Variants in PRKCH observed in about 807,000 individuals in gnomAD.
PRKCH encodes protein kinase C eta, also known as protein kinase C eta type.
PRKCH carries 28 observed loss-of-function variants against 82.5 expected under a neutral mutation model. The observed-to-expected ratio is 0.34, with a 90% CI of 0.25 to 0.47. PRKCH has a LOEUF of 0.47. PRKCH is among the 20% of genes least tolerant of loss of function. PRKCH has a pLI of 1.00. For synonymous variants in PRKCH, 322 were observed against 327.4 expected, an observed-to-expected ratio of 0.98 and a Z score of 0.18; for missense variants, 705 against 881.8, an observed-to-expected ratio of 0.80 and a Z score of 2.54.
rs1303092392 is a variant in PRKCH, at chr14:61,524,175, AT to A, written c.1434-4899del. On this transcript the variant is annotated intron_variant, in intron 10 of 13. Coordinates refer to ENST00000332981, the MANE Select transcript of PRKCH (RefSeq NM_006255.5). ...GATCTAAGCAGTAAGACTCATGTCA[AT>A]CTGTTTTATTACTCTCAGGATAGCT... is the stretch of plus-strand genomic sequence containing the variant. Among the ~76,000 whole-genome samples the A allele has an allele frequency of 3.3e-5, 5 of 152,326 alleles. No individual in the cohort carries two copies. In the East Asian group the frequency reaches 9.6e-4, roughly 29 times the overall value.
chr14:61,237,072 T>C (rs925987146), intron 1 of PRKCH, among the ~76,000 whole-genome samples: 2 of 151,998 alleles, frequency 1.3e-5, no homozygotes, highest in Non-Finnish European at 2.9e-5. Context: ...AGAACCCTTT[T>C]TTGGGGTCTG....
intron 1 of PRKCH, among the ~76,000 whole-genome samples, chr14:61,246,208 C>G (rs1013979670): frequency 1.2e-4 from 18 of 151,144 alleles, no homozygotes; most frequent in African/African-American, 4.4e-4. Context: ...GAGTTCAACA[C>G]CAGCCTGACC....
At chr14:61,212,985 A>G (rs1233008661) in intron 1 of PRKCH, among the ~76,000 whole-genome samples, 4 of 152,156 alleles carry the variant, frequency 2.6e-5, no homozygotes, top group African/African-American at 9.7e-5. Flanking sequence ...GGGTTGAGCT[A>G]ATTCAGTGGA....
At chr14:61,281,055 C>G (rs962510985) in intron 1 of PRKCH, 1 of 1,521,798 alleles carries the variant, frequency 6.6e-7, no homozygotes, top group South Asian at 1.2e-5. Context: ...CGATGCTGGC[C>G]GACAGCAGCG....
chr14:61,526,865 TC>T (rs34710140), intron 10 of PRKCH, among the ~76,000 whole-genome samples: 5 of 152,104 alleles, frequency 3.3e-5, no homozygotes, highest in Non-Finnish European at 5.9e-5. Context: ...CCACCTAGCA[TC>T]CCCCCCGTGA....
At chr14:61,286,785 A>AG (rs2045319893) in intron 1 of PRKCH, among the ~76,000 whole-genome samples, 1 of 152,098 alleles carries the variant, frequency 6.6e-6, no homozygotes, top group Non-Finnish European at 1.5e-5. Flanking sequence ...TCAAAAAAAA[A>AG]GAGGGTGAAC....
intron 1 of PRKCH, among the ~76,000 whole-genome samples, chr14:61,238,096 C>A (rs1396429908): frequency 6.6e-6 from 1 of 152,226 alleles, no homozygotes; most frequent in African/African-American, 2.4e-5. Flanking sequence ...ATGGAGAAAC[C>A]TTTAGGCCAA....
At chr14:61,297,824 C>T (rs1037633772) in intron 1 of PRKCH, among the ~76,000 whole-genome samples, 4 of 152,066 alleles carry the variant, frequency 2.6e-5, no homozygotes, top group East Asian at 1.9e-4. Context: ...GTTGGGGACC[C>T]CTGGTCTAGT....
chr14:61,375,952 GGT>G (rs1479885994), intron 1 of PRKCH, among the ~76,000 whole-genome samples: 1 of 151,320 alleles, frequency 6.6e-6, no homozygotes, highest in African/African-American at 2.4e-5. Flanking sequence ...GGGAGGTAGA[GGT>G]TGCAGTGAGC....
intron 1 of PRKCH, among the ~76,000 whole-genome samples, chr14:61,342,200 C>T (rs760591941): frequency 4.0e-5 from 6 of 151,624 alleles, no homozygotes; most frequent in African/African-American, 7.3e-5. Context: ...GGGAAGGGAG[C>T]GCCCTTTTAA....
intron 1 of PRKCH, among the ~76,000 whole-genome samples, chr14:61,384,633 C>G (rs2046560134): frequency 6.6e-6 from 1 of 151,956 alleles, no homozygotes; most frequent in Admixed American, 6.6e-5. Context: ...AGCGCTGATT[C>G]ATGTGAGTTC....
At chr14:61,293,554 G>A (rs2045381302) in intron 1 of PRKCH, among the ~76,000 whole-genome samples, 1 of 152,120 alleles carries the variant, frequency 6.6e-6, no homozygotes, top group Admixed American at 6.6e-5. Flanking sequence ...CTCAACCAGA[G>A]ACCAAATCAC....
upstream of PRKCH, among the ~76,000 whole-genome samples, chr14:61,321,515 G>C (rs370131755): frequency 3.9e-5 from 6 of 152,174 alleles, no homozygotes; most frequent in Non-Finnish European, 8.8e-5. This position sits in a 1 kb window ranked among gnomAD's most constrained non-coding sequence, Gnocchi z 4.1. Context: ...CCGCAGGGCC[G>C]GGCCGCGGAC....
chr14:61,402,025 A>G (rs112714128), intron 2 of PRKCH, among the ~76,000 whole-genome samples: 2,945 of 152,352 alleles, frequency 0.019, 110 homozygotes, highest in African/African-American at 0.067. Flanking sequence ...TTCAAAACAT[A>G]ATTCGAATTT....
At chr14:61,273,254 T>C (rs918822824) in intron 1 of PRKCH, among the ~76,000 whole-genome samples, 4 of 152,332 alleles carry the variant, frequency 2.6e-5, no homozygotes, top group African/African-American at 9.6e-5. Flanking sequence ...ATATTATTTA[T>C]GGCTTTAAAA....
At chr14:61,529,340 C>T in intron 11 of PRKCH, 127 bp downstream of exon 11, 1 of 1,090,242 alleles carries the variant, frequency 9.2e-7, no homozygotes, top group Non-Finnish European at 1.2e-6. Context: ...AGAGCCGACA[C>T]CTCTAGACTC....
At chr14:61,204,644 G>A (rs539022803) in intron 1 of PRKCH, among the ~76,000 whole-genome samples, 8 of 151,722 alleles carry the variant, frequency 5.3e-5, no homozygotes, top group African/African-American at 1.5e-4. Context: ...GTCTGTGGCC[G>A]CAGCCACTCA....
At chr14:61,484,122 C>T (rs1324098042) in intron 9 of PRKCH, among the ~76,000 whole-genome samples, 1 of 152,076 alleles carries the variant, frequency 6.6e-6, no homozygotes, top group African/African-American at 2.4e-5. Context: ...TGCAATCCCA[C>T]AAAATGGTAT....
At chr14:61,475,422 C>T (rs183261842) in intron 9 of PRKCH, among the ~76,000 whole-genome samples, 1 of 152,184 alleles carries the variant, frequency 6.6e-6, no homozygotes, top group Non-Finnish European at 1.5e-5. Flanking sequence ...TTCTTCTCGA[C>T]CACTAGGGGG....
Sources: gnomAD v4.1 joint callset for allele counts (sites outside exome capture counted in the v4.1 genomes callset) on GRCh38, gnomAD v4.1.1 for gene constraint, Gnocchi (gnomAD v3.1) non-coding constraint, MANE v1.5 for transcripts, NCBI Gene and HGNC (gene_info 2026-07-23, HGNC 2026-07-21) for gene names.